The following REL variants were observed in gnomAD, a reference collection of about 807,000 sequenced individuals.
REL encodes the protein REL proto-oncogene, NF-kB subunit.
In REL, 15 loss-of-function variants were observed where a neutral mutation model predicts 45.9. The observed-to-expected ratio is 0.33, with a 90% confidence interval of 0.22 to 0.50. The LOEUF (loss-of-function observed/expected upper bound fraction) is 0.50, where lower values mean the gene tolerates loss of function less well. REL is among the 20% of genes least tolerant of loss of function. The pLI is 0.98. For synonymous variants in REL, 239 were observed against 242.1 expected (o/e 0.99, Z 0.12); for missense variants, 601 against 715.2 (o/e 0.84, Z 1.82).
In REL at chr2:60,922,801, T is replaced by A; in HGVS notation, c.*266T>A. On this transcript the variant is annotated 3_prime_UTR_variant, in exon 10 of 10. Coordinates refer to ENST00000394479, the MANE Select transcript of REL (RefSeq NM_001291746.2). ...GCTCACACCTGTAATCCTAGCACTT[T>A]GGGAGGCCAAGGCGGGTGGATCACT... is the stretch of plus-strand genomic sequence containing the variant. The A allele has an allele frequency of 1.0e-6, 1 of 997,244 alleles. No individual in the cohort carries two copies. Among genetic ancestry groups the A allele is most frequent in the South Asian group, 4.0e-5 (1 of 25,010 alleles). The allele number at this position is 997,244 out of a possible 1,614,324, so 61.8% of individuals were successfully genotyped here. A position where few individuals can be genotyped will look rare whatever the true frequency, so the allele number is the denominator to read the frequency against.
chr2:60,895,998 G>GT (rs1461180755), intron 3 of REL, among the ~76,000 whole-genome samples: 2 of 151,316 alleles, frequency 1.3e-5, no homozygotes, highest in Middle Eastern at 3.2e-3. Flanking sequence ...TAGGTTTTCT[G>GT]TTTTTTGTTT....
At chr2:60,889,300 G>A (rs1051830670) in intron 1 of REL, among the ~76,000 whole-genome samples, 5 of 151,820 alleles carry the variant, frequency 3.3e-5, no homozygotes, top group South Asian at 4.2e-4. Flanking sequence ...TCTTATTTCC[G>A]CAGAATTTTG....
At chr2:60,913,730 A>G (rs28532731) in intron 4 of REL, among the ~76,000 whole-genome samples, 40 of 152,206 alleles carry the variant, frequency 2.6e-4, no homozygotes, top group African/African-American at 9.4e-4. Context: ...CTTCTCTCAT[A>G]TCTTGGTCGC....
At chr2:60,894,060 T>G (rs1012210494) in intron 2 of REL, among the ~76,000 whole-genome samples, 1 of 152,226 alleles carries the variant, frequency 6.6e-6, no homozygotes, top group Non-Finnish European at 1.5e-5. Context: ...GACAGTACGT[T>G]AAAGAGCTGG....
At chr2:60,901,867 T>C (rs956919221) in intron 4 of REL, among the ~76,000 whole-genome samples, 1 of 152,212 alleles carries the variant, frequency 6.6e-6, no homozygotes, top group African/African-American at 2.4e-5. Context: ...TGACTAGATA[T>C]TTACTGTTCA....
intron 4 of REL, among the ~76,000 whole-genome samples, chr2:60,914,327 G>A (rs1014139511): frequency 2.0e-5 from 3 of 152,204 alleles, no homozygotes; most frequent in Admixed American, 1.3e-4. Flanking sequence ...ATGTTGTGCA[G>A]AGATGAAAGT....
At chr2:60,891,582 CTTTG>C in intron 1 of REL, 97 bp from the exon 2 acceptor site, 1 of 1,054,794 alleles carries the variant, frequency 9.5e-7, no homozygotes, top group East Asian at 2.8e-5. Context: ...GGAAAAAAAT[CTTTG>C]TTTTAGTCTG....
At chr2:60,920,215 T>G (rs1294537931) in intron 8 of REL, 106 bp downstream of exon 8, 13 of 942,356 alleles carry the variant, frequency 1.4e-5, no homozygotes, top group Non-Finnish European at 2.1e-5. Context: ...GTTTGTTTGT[T>G]TTTTGAGATA....
intron 4 of REL, 65 bp downstream of exon 4, chr2:60,901,148 CTCTT>C: frequency 1.3e-5 from 11 of 849,408 alleles, no homozygotes; most frequent in East Asian, 5.4e-5. Flanking sequence ...TTTTTTCTTT[CTCTT>C]TTTTTTTTTT....
intron 1 of REL, among the ~76,000 whole-genome samples, chr2:60,887,224 G>A (rs991117869): frequency 2.0e-5 from 3 of 152,156 alleles, no homozygotes; most frequent in Non-Finnish European, 4.4e-5. Flanking sequence ...TTATAGCTGG[G>A]AAGTTTTTTA....
intron 1 of REL, among the ~76,000 whole-genome samples, chr2:60,884,537 TA>T (rs530783589): frequency 2.0e-5 from 3 of 152,052 alleles, no homozygotes; most frequent in Non-Finnish European, 4.4e-5. Flanking sequence ...AAGGTATGCA[TA>T]GTAGGCAGTT....
At position 60,916,944 on chromosome 2, in the gene REL, T is replaced by G. The variant is rs1358554072; in HGVS notation, c.462T>G (p.Val154=). 2.5e-6 allele frequency: 4 copies of G among 1,613,468 alleles called. No homozygotes were observed. Among genetic ancestry groups the G allele is most frequent in the Non-Finnish European group, 1.7e-6 (2 of 1,179,658 alleles). ...ATGTGGTGAGACTGTGTTTTCAAGT[T>G]TTTCTCCCTGATGAACATGGTAATT... is the stretch of plus-strand genomic sequence containing the variant. ...DLNVVRLCFQ[V]FLPDEHGNLT... The change falls in exon 5 of 10, where the codon GTT becomes GTG. Residue 154 remains valine, a synonymous_variant. Coordinates refer to ENST00000394479, the MANE Select transcript of REL (RefSeq NM_001291746.2).
In REL at chr2:60,923,958, C is replaced by A; in HGVS notation, c.*1423C>A. The stretch of plus-strand genomic sequence containing the variant: ...CTTAAAAGTTGCAGGCCTAGACTCC[C>A]TGTCCTACCTCAGGTACCACCATAT... On this transcript the variant is annotated 3_prime_UTR_variant, in exon 10 of 10. Transcript: ENST00000394479. The A allele has an allele frequency of 4.3e-6, 1 of 233,146 alleles. No homozygotes were observed. Among genetic ancestry groups the A allele is most frequent in the Non-Finnish European group, 8.5e-6 (1 of 117,944 alleles). 14.4% of individuals were successfully genotyped at this position (233,146 alleles called of 1,614,324 possible). A position where few individuals can be genotyped will look rare whatever the true frequency, so the allele number is the denominator to read the frequency against.
At position 60,906,833 on chromosome 2, in the gene REL, GTA is replaced by G. The variant is rs1272693634; in HGVS notation, c.394+5760_394+5761del. Among the ~76,000 whole-genome samples, 473 of 147,136 alleles carry G rather than the reference GTA, an allele frequency of 3.2e-3. 6 individuals carry two copies. Among genetic ancestry groups the G allele is most frequent in the African/African-American group, 0.011 (448 of 40,244 alleles). On this transcript the variant is annotated intron_variant, in intron 4 of 9. Coordinates refer to ENST00000394479, the MANE Select transcript of REL (RefSeq NM_001291746.2). Reference sequence around the variant, plus strand: ...TTTCCCAAAGTACCTGTGTGTGTGTGTATATATATATGTGTGTGTATGTATGT... The same window carrying G: ...TTTCCCAAAGTACCTGTGTGTGTGTGTATATATATGTGTGTGTATGTATGT...
At chr2:60,894,708 C>G (rs1673304566) in intron 3 of REL, among the ~76,000 whole-genome samples, 163 bp downstream of exon 3, 1 of 152,112 alleles carries the variant, frequency 6.6e-6, no homozygotes, top group Non-Finnish European at 1.5e-5. Flanking sequence ...TAGAACTACC[C>G]TTTCATTCTT....
intron 9 of REL, among the ~76,000 whole-genome samples, 190 bp from the exon 10 acceptor site, chr2:60,921,573 G>A (rs1199406173): frequency 6.6e-6 from 1 of 151,974 alleles, no homozygotes; most frequent in African/African-American, 2.4e-5. Context: ...TGGTATATAC[G>A]TTACAGAATT....
chr2:60,885,076 G>A (rs1057220248), intron 1 of REL, among the ~76,000 whole-genome samples: 5 of 152,124 alleles, frequency 3.3e-5, no homozygotes, highest in African/African-American at 1.2e-4. Flanking sequence ...CAGATAAAGG[G>A]AATGAGTTAA....
chr2:60,927,910 C>A lies in REL; in HGVS notation c.*5375C>A, dbSNP rs539257798. On this transcript the variant is annotated 3_prime_UTR_variant, in exon 10 of 10. Coordinates refer to ENST00000394479, the MANE Select transcript of REL (RefSeq NM_001291746.2). ...CTAAATCTATTTTCAATCTTAATGG[C>A]CTTTTAAATAACTGGGCTTCTCACA... The A allele has an allele frequency of 2.0e-4, 44 of 222,372 alleles. No homozygotes were observed. The South Asian group carries it at 7.7e-3, about 39-fold the overall frequency. The allele number at this position is 222,372 out of a possible 1,614,324, so 13.8% of individuals were successfully genotyped here. A position where few individuals can be genotyped will look rare whatever the true frequency, so the allele number is the denominator to read the frequency against.
chr2:60,904,981 G>C (rs1405031852), intron 4 of REL, among the ~76,000 whole-genome samples: 1 of 152,138 alleles, frequency 6.6e-6, no homozygotes, highest in Non-Finnish European at 1.5e-5. Flanking sequence ...CTGACTCTAA[G>C]GTCATGGTTT....
Sources: gnomAD v4.1 joint callset for allele counts (sites outside exome capture counted in the v4.1 genomes callset) on GRCh38, gnomAD v4.1.1 for gene constraint, MANE v1.5 for transcripts, NCBI Gene and HGNC (gene_info 2026-07-23, HGNC 2026-07-21) for gene names.